Variants in IPO11 observed in about 807,000 individuals in gnomAD.
IPO11 encodes importin-11.
In IPO11, 66 loss-of-function variants were observed where a neutral mutation model predicts 143.2. The ratio of observed to expected loss-of-function variants is 0.46; its 90% CI spans 0.38 to 0.57. The LOEUF (loss-of-function observed/expected upper bound fraction) is 0.57, where lower values mean the gene tolerates loss of function less well. IPO11 is among the 20% of genes least tolerant of loss of function. The pLI, the probability that IPO11 is intolerant of heterozygous loss-of-function variation, is 0.00. For synonymous variants in IPO11, 385 were observed against 377.8 expected (o/e 1.02, Z -0.22); for missense variants, 1,026 against 1,141.0 (o/e 0.90, Z 1.45).
chr5:62,577,859 CTT>C (rs1207573278), intron 27 of IPO11, among the ~76,000 whole-genome samples: 1 of 151,898 alleles, frequency 6.6e-6, no homozygotes, highest in African/African-American at 2.4e-5. Context: ...AATTATATAA[CTT>C]GATATTTTAG....
intron 1 of IPO11, among the ~76,000 whole-genome samples, chr5:62,423,856 G>T (rs569365374): frequency 6.6e-6 from 1 of 151,872 alleles, no homozygotes; most frequent in Non-Finnish European, 1.5e-5. Flanking sequence ...ACTCTTCCCC[G>T]GTCTTCACAG....
At chr5:62,568,419 A>C (rs968109672) in intron 27 of IPO11, among the ~76,000 whole-genome samples, 3 of 151,482 alleles carry the variant, frequency 2.0e-5, no homozygotes, top group African/African-American at 7.3e-5. Flanking sequence ...ATAAAAATAC[A>C]AAAAATTAGC....
intron 3 of IPO11, among the ~76,000 whole-genome samples, chr5:62,444,595 G>C (rs1744644828): frequency 6.6e-6 from 1 of 151,816 alleles, no homozygotes; most frequent in Admixed American, 6.6e-5. Flanking sequence ...GCTTGTCTTG[G>C]CTGGGCACGG....
intron 22 of IPO11, 115 bp from the exon 23 acceptor site, chr5:62,536,587 A>G: frequency 8.3e-7 from 1 of 1,210,626 alleles, no homozygotes; most frequent in Non-Finnish European, 1.1e-6. Flanking sequence ...TAGTACTCGG[A>G]AGAGGTTTCT....
chr5:62,622,109 A>G (rs564189727), intron 29 of IPO11, among the ~76,000 whole-genome samples: 2 of 152,168 alleles, frequency 1.3e-5, no homozygotes, highest in Non-Finnish European at 2.9e-5. Context: ...ATTTTAATGC[A>G]TATGGAAATA....
In IPO11 at chr5:62,515,377, T is replaced by C. The variant is rs763971524; in HGVS notation, c.1783-11T>C. On this transcript the variant is annotated splice_polypyrimidine_tract_variant and intron_variant, in intron 19 of 29. Transcript: ENST00000325324. ...AAAATTTTGTTGTTTCCTCTACTTA[T>C]ATTGTAATAGATACGACCATATGTG... The C allele has an allele frequency of 3.2e-6, 5 of 1,574,278 alleles. No homozygotes were observed. Among genetic ancestry groups the C allele is most frequent in the Non-Finnish European group, 4.3e-6 (5 of 1,163,288 alleles).
intron 2 of IPO11, among the ~76,000 whole-genome samples, chr5:62,438,023 A>G (rs1744303604): frequency 6.6e-6 from 1 of 152,164 alleles, no homozygotes; most frequent in Non-Finnish European, 1.5e-5. Flanking sequence ...CTTTCCTTAT[A>G]CTTTTCTTCT....
intron 21 of IPO11, among the ~76,000 whole-genome samples, chr5:62,529,579 T>C (rs970291953): frequency 2.0e-5 from 3 of 152,230 alleles, no homozygotes; most frequent in Non-Finnish European, 4.4e-5. Context: ...TTAAAAATTG[T>C]TTTCATTGCA....
At position 62,448,899 on chromosome 5, in the gene IPO11, C is replaced by G. The variant is rs375885336; in HGVS notation, c.240-1028C>G. The stretch of plus-strand genomic sequence containing the variant: ...TTAATGCCAGAACCTTGTAGTAATA[C>G]GTTAATTCTGTGTAATCCCTCTTGT... On this transcript the variant is annotated intron_variant, in intron 3 of 29. Coordinates refer to ENST00000325324, the MANE Select transcript of IPO11 (RefSeq NM_016338.5). Among the ~76,000 whole-genome samples, 11 of 152,140 alleles carry G rather than the reference C, an allele frequency of 7.2e-5. No homozygotes were observed. The South Asian group carries it at 1.7e-3, about 23-fold the overall frequency.
chr5:62,432,619 G>A (rs1744033685), intron 1 of IPO11, among the ~76,000 whole-genome samples: 1 of 152,236 alleles, frequency 6.6e-6, no homozygotes, highest in Admixed American at 6.5e-5. Context: ...GCTGTATGCG[G>A]TTAAGACATT....
At chr5:62,503,976 C>G (rs1415189073) in intron 16 of IPO11, among the ~76,000 whole-genome samples, 1 of 152,176 alleles carries the variant, frequency 6.6e-6, no homozygotes, top group Non-Finnish European at 1.5e-5. Context: ...ATGTCTTGAG[C>G]TCATGTTACT....
chr5:62,564,144 G>A (rs1311688769), intron 27 of IPO11, among the ~76,000 whole-genome samples: 1 of 151,854 alleles, frequency 6.6e-6, no homozygotes, highest in Non-Finnish European at 1.5e-5. Context: ...ATAGACTAGT[G>A]ATGAAACATT....
chr5:62,480,532 G>A (rs1303429810), intron 9 of IPO11, among the ~76,000 whole-genome samples: 2 of 152,156 alleles, frequency 1.3e-5, no homozygotes, highest in Non-Finnish European at 2.9e-5. Flanking sequence ...ACCTTGGACA[G>A]TATGGCCATT....
intron 3 of IPO11, among the ~76,000 whole-genome samples, chr5:62,446,680 T>A (rs1744731394): frequency 6.6e-6 from 1 of 152,128 alleles, no homozygotes; most frequent in South Asian, 2.1e-4. Flanking sequence ...ACAAATATCT[T>A]CTCCTAGGCC....
intron 29 of IPO11, among the ~76,000 whole-genome samples, chr5:62,613,990 G>A (rs1167256808): frequency 6.6e-6 from 1 of 152,158 alleles, no homozygotes; most frequent in African/African-American, 2.4e-5. Context: ...ATGAACCCTT[G>A]CAAGGTGAAA....
chr5:62,427,475 G>T (rs1209284727), intron 1 of IPO11, among the ~76,000 whole-genome samples: 1 of 152,162 alleles, frequency 6.6e-6, no homozygotes, highest in African/African-American at 2.4e-5. Flanking sequence ...CCAGCCCTCA[G>T]GCCATGGACC....
Position 62,483,677 on chromosome 5 carries a change from G to A in IPO11, c.1022-333G>A, listed in dbSNP as rs117962048. On this transcript the variant is annotated intron_variant, in intron 10 of 29. Transcript: ENST00000325324. Reference sequence around the variant, plus strand: ...TATTATTTGGAATTCATTCATATGCGTGTGTGCCAAGATGAATGAAGAAGT... The same window carrying A: ...TATTATTTGGAATTCATTCATATGCATGTGTGCCAAGATGAATGAAGAAGT... Among the ~76,000 whole-genome samples the A allele has an allele frequency of 2.3e-3, 346 of 152,184 alleles. 7 individuals carry two copies. In the East Asian group the frequency reaches 0.052, roughly 23 times the overall value.
At chr5:62,601,461 T>C (rs116303192) in intron 28 of IPO11, 2 of 202,058 alleles carry the variant, frequency 9.9e-6, no homozygotes, top group African/African-American at 4.6e-5. Flanking sequence ...ATAAAGTGTA[T>C]ACATGCATTA....
intron 20 of IPO11, among the ~76,000 whole-genome samples, chr5:62,517,439 G>C (rs1742062239): frequency 6.6e-6 from 1 of 152,138 alleles, no homozygotes; most frequent in African/African-American, 2.4e-5. Flanking sequence ...TTTCGCTCTT[G>C]TTGCCCAGGC....
Sources: gnomAD v4.1 joint callset for allele counts (sites outside exome capture counted in the v4.1 genomes callset) on GRCh38, gnomAD v4.1.1 for gene constraint, MANE v1.5 for transcripts, NCBI Gene and HGNC (gene_info 2026-07-23, HGNC 2026-07-21) for gene names.